MGAT4C: variants seen among roughly 807,000 people sequenced by gnomAD.
MGAT4C encodes the protein alpha-1,3-mannosyl-glycoprotein 4-beta-N-acetylglucosaminyltransferase C.
A neutral mutation model predicts 40.1 loss-of-function variants in MGAT4C; 19 were observed. That is an observed-to-expected ratio of 0.47 (90% confidence interval 0.33 to 0.70). The LOEUF is 0.70. Among genes scored for constraint, MGAT4C ranks in the 30% least tolerant of loss-of-function variants. MGAT4C has a pLI of 0.02. For synonymous variants in MGAT4C, 181 were observed against 187.1 expected (o/e 0.97, Z 0.27); for missense variants, 491 against 563.2 (o/e 0.87, Z 1.30).
chr12:86,121,272 G>T (rs911583852), intron 1 of MGAT4C, among the ~76,000 whole-genome samples: 1 of 152,166 alleles, frequency 6.6e-6, no homozygotes, highest in Admixed American at 6.5e-5. Flanking sequence ...ACGTCTGATT[G>T]GTGTACCTGA....
At chr12:86,283,746 T>G (rs1953278437) in intron 4 of MGAT4C, among the ~76,000 whole-genome samples, 1 of 152,082 alleles carries the variant, frequency 6.6e-6, no homozygotes, top group South Asian at 2.1e-4. Flanking sequence ...AGTTGAGCTT[T>G]AAAATGACAC....
intron 2 of MGAT4C, among the ~76,000 whole-genome samples, chr12:86,587,288 C>T (rs1249866393): frequency 6.6e-6 from 1 of 152,038 alleles, no homozygotes; most frequent in East Asian, 1.9e-4. Flanking sequence ...TTTCTGAGGA[C>T]TCTGTTCTGT....
chr12:86,540,817 T>C (rs936430671), intron 2 of MGAT4C, among the ~76,000 whole-genome samples: 9 of 152,346 alleles, frequency 5.9e-5, no homozygotes, highest in Non-Finnish European at 1.0e-4. Context: ...TTTTTAAATT[T>C]TGAATGATTT....
intron 2 of MGAT4C, among the ~76,000 whole-genome samples, chr12:86,046,886 A>G (rs755908549): frequency 5.9e-5 from 9 of 152,196 alleles, no homozygotes; most frequent in Non-Finnish European, 1.3e-4. Context: ...ACACGAAAGA[A>G]ATTAGCGAAA....
chr12:86,743,017 A>ATGCATGTGTGTATGTGTATGTGTGTTT (rs1951093616), intron 1 of MGAT4C, among the ~76,000 whole-genome samples: 2 of 143,656 alleles, frequency 1.4e-5, no homozygotes, highest in Non-Finnish European at 3.1e-5. Flanking sequence ...GTATGTGTGT[A>ATGCATGTGTGTATGTGTATGTGTGTTT]TGCATGTGTG....
chr12:86,093,532 C>A (rs1873288004), intron 1 of MGAT4C, among the ~76,000 whole-genome samples: 1 of 152,078 alleles, frequency 6.6e-6, no homozygotes, highest in Non-Finnish European at 1.5e-5. Flanking sequence ...AGTTAGAGAT[C>A]AGCCTGGCCA....
At chr12:86,542,196 C>T (rs1328509398) in intron 2 of MGAT4C, among the ~76,000 whole-genome samples, 2 of 152,060 alleles carry the variant, frequency 1.3e-5, no homozygotes, top group African/African-American at 2.4e-5. Context: ...TTTTAACAAG[C>T]CCTTTGTGAT....
At chr12:86,286,193 G>C (rs1953348490) in intron 4 of MGAT4C, among the ~76,000 whole-genome samples, 1 of 152,002 alleles carries the variant, frequency 6.6e-6, no homozygotes, top group African/African-American at 2.4e-5. Context: ...TAGTGAGTTG[G>C]AGACAGGATG....
At chr12:86,488,164 A>G (rs1958058022) in intron 2 of MGAT4C, among the ~76,000 whole-genome samples, 1 of 151,658 alleles carries the variant, frequency 6.6e-6, no homozygotes, top group South Asian at 2.1e-4. Flanking sequence ...GTGAGAGGAT[A>G]GTGTGGACCT....
chr12:86,381,639 C>T (rs527881755), intron 3 of MGAT4C, among the ~76,000 whole-genome samples: 1 of 152,118 alleles, frequency 6.6e-6, no homozygotes, highest in African/African-American at 2.4e-5. Context: ...AATGCTTTAC[C>T]AAGTTTTTAG....
rs12316288 is a variant in MGAT4C at position 86,836,129 on chromosome 12, A to C, written c.-262+2537T>G. 8.9e-3 allele frequency among the ~76,000 whole-genome samples: 1,349 copies of C among 152,100 alleles called. 19 individuals are homozygous for C. The highest frequency in any genetic ancestry group is 0.031 in the African/African-American group (1,302 of 41,540). Reference sequence around the variant, plus strand: ...TAAACAAACTAGCTTAACGGATTTAAACTTAGTTTGTCTTATCACCAATCC... The same window carrying C: ...TAAACAAACTAGCTTAACGGATTTACACTTAGTTTGTCTTATCACCAATCC... On this transcript the variant is annotated intron_variant, in intron 1 of 7. Transcript: ENST00000548651.
chr12:86,428,528 T>C (rs948590546), intron 3 of MGAT4C, among the ~76,000 whole-genome samples: 1 of 152,180 alleles, frequency 6.6e-6, no homozygotes, highest in Non-Finnish European at 1.5e-5. Flanking sequence ...TCTTCGACTT[T>C]TTGAGAGAGT....
Position 85,971,800 on chromosome 12 carries a change from C to T in MGAT4C, c.*7489G>A, listed in dbSNP as rs1365204865. The T allele has an allele frequency of 6.6e-6, 1 of 151,114 alleles. No individual in the cohort carries two copies. Among genetic ancestry groups the T allele is most frequent in the Non-Finnish European group, 1.5e-5 (1 of 67,316 alleles). The allele number at this position is 151,114 out of a possible 1,614,324, so 9.4% of individuals were successfully genotyped here. On this transcript the variant is annotated 3_prime_UTR_variant, in exon 5 of 5. Transcript: ENST00000611864. ...CAACTTTTCCTCTGCATCCTTTTAC[C>T]TCATGTTTGTAACATTTCCCCTGTT...
intron 1 of MGAT4C, among the ~76,000 whole-genome samples, chr12:86,110,296 CTCTCTATA>C (rs1296721358): frequency 8.5e-4 from 16 of 18,926 alleles, no homozygotes; most frequent in Non-Finnish European, 1.4e-3. Flanking sequence ...TATATATAGT[CTCTCTATA>C]TATATATATA....
At chr12:85,996,793 G>A (rs1886672892) in intron 2 of MGAT4C, among the ~76,000 whole-genome samples, 1 of 151,770 alleles carries the variant, frequency 6.6e-6, no homozygotes, top group Admixed American at 6.6e-5. Flanking sequence ...AAATAAAGGA[G>A]GAAGAAAGGA....
chr12:86,526,867 G>C lies in MGAT4C; in HGVS notation c.-228-91602C>G, dbSNP rs370393151. On this transcript the variant is annotated intron_variant, in intron 2 of 7. Transcript: ENST00000548651. ...CTCGAGTGTCCATGGTGGTGCAGGG[G>C]TCTCCTCCTGCTGGAATTCTAGAGG... Among the ~76,000 whole-genome samples the C allele has an allele frequency of 1.1e-4, 16 of 152,306 alleles. No homozygotes were observed. The East Asian group carries it at 2.9e-3, about 28-fold the overall frequency.
chr12:86,541,780 C>G (rs186184610), intron 2 of MGAT4C, among the ~76,000 whole-genome samples: 3 of 152,244 alleles, frequency 2.0e-5, no homozygotes, highest in Admixed American at 2.0e-4. Context: ...AACATTGATT[C>G]ATCTCCAACC....
chr12:86,580,163 T>C (rs1038813002), intron 2 of MGAT4C, among the ~76,000 whole-genome samples: 13 of 151,568 alleles, frequency 8.6e-5, no homozygotes, highest in African/African-American at 3.1e-4. Flanking sequence ...TAATGATAAC[T>C]TGACCTCTGT....
intron 4 of MGAT4C, among the ~76,000 whole-genome samples, chr12:86,289,407 T>A (rs78108545): frequency 0.019 from 2,943 of 152,258 alleles, 78 homozygotes; most frequent in African/African-American, 0.067. Context: ...TTTAGTTCCA[T>A]ATGAGTTGTA....
Sources: allele counts gnomAD v4.1 joint callset (sites outside exome capture counted in the v4.1 genomes callset), GRCh38; gene constraint gnomAD v4.1.1; transcripts MANE v1.5; gene names NCBI Gene and HGNC (gene_info 2026-07-23, HGNC 2026-07-21).